Variants in GLG1 observed in about 807,000 individuals in gnomAD.
GLG1 encodes the protein golgi glycoprotein 1.
A neutral mutation model predicts 160.5 loss-of-function variants in GLG1; 38 were observed. The observed-to-expected ratio is 0.24, with a 90% CI of 0.18 to 0.31. The LOEUF (loss-of-function observed/expected upper bound fraction) is 0.31. GLG1 is among the 10% of genes least tolerant of loss of function. The pLI, the probability that GLG1 is intolerant of heterozygous loss-of-function variation, is 1.00. For synonymous variants in GLG1, 644 were observed against 543.4 expected, an observed-to-expected ratio of 1.19 and a Z score of -2.57; for missense variants, 1,373 against 1,505.2, an observed-to-expected ratio of 0.91 and a Z score of 1.45.
rs377761597 is a variant in GLG1, at chr16:74,524,762, G to A, written c.471+7359C>T. Among the ~76,000 whole-genome samples, 15 of 152,116 alleles carry A rather than the reference G, an allele frequency of 9.9e-5. No homozygotes were observed. In the South Asian group the frequency reaches 1.0e-3, roughly 11 times the overall value. ...AGATAGAATTTACATTGTAAAATTC[G>A]CCCTTCCAGAGCACAACTCAGAGGT... is the stretch of plus-strand genomic sequence containing the variant. On this transcript the variant is annotated intron_variant, in intron 2 of 25. Transcript: ENST00000422840.
At position 74,469,148 on chromosome 16, in the gene GLG1, T is replaced by G. The variant is rs562201797; in HGVS notation, c.2319-85A>C. 1.1e-5 allele frequency: 9 copies of G among 845,076 alleles called. No homozygotes were observed. In the African/African-American group the frequency reaches 1.2e-4, roughly 11 times the overall value. 52.3% of individuals were successfully genotyped at this position (845,076 alleles called of 1,614,324 possible). A position where few individuals can be genotyped will look rare whatever the true frequency, so the allele number is the denominator to read the frequency against. On this transcript the variant is annotated intron_variant, in intron 16 of 25. Transcript: ENST00000422840. Reference sequence around the variant, plus strand: ...CTGGGCTTGGGGGGGGTCACACCATTAAGAATTCAAGATGCCCTTTGGGGG... The same window carrying G: ...CTGGGCTTGGGGGGGGTCACACCATGAAGAATTCAAGATGCCCTTTGGGGG...
intron 14 of GLG1, among the ~76,000 whole-genome samples, chr16:74,472,079 T>C (rs773815296): frequency 1.1e-4 from 16 of 152,158 alleles, no homozygotes; most frequent in Non-Finnish European, 2.2e-4. Context: ...TAATTTTTTC[T>C]ATTTTTTGTA....
At chr16:74,565,228 C>G (rs990274997) in intron 1 of GLG1, among the ~76,000 whole-genome samples, 1 of 152,044 alleles carries the variant, frequency 6.6e-6, no homozygotes, top group Non-Finnish European at 1.5e-5. Flanking sequence ...ACTTGGGAGG[C>G]TGAGACATGA....
At chr16:74,471,149 T>C (rs776569534) in intron 15 of GLG1, 24 bp downstream of exon 15, 2 of 1,176,182 alleles carry the variant, frequency 1.7e-6, no homozygotes, top group Non-Finnish European at 2.6e-6. Context: ...TATGATGGGA[T>C]ATTGGCAGCC....
At chr16:74,505,652 C>G (rs557830024) in intron 3 of GLG1, among the ~76,000 whole-genome samples, 7 of 151,800 alleles carry the variant, frequency 4.6e-5, no homozygotes, top group Non-Finnish European at 1.0e-4. Context: ...CTCAGGAGTT[C>G]GAGACCAGCC....
At chr16:74,503,892 T>A (rs544610570) in intron 3 of GLG1, 146 bp from the exon 4 acceptor site, 20 of 621,148 alleles carry the variant, frequency 3.2e-5, no homozygotes, top group Non-Finnish European at 4.5e-5. Context: ...TAGAAATATA[T>A]CCAAGGAAAA....
intron 22 of GLG1, among the ~76,000 whole-genome samples, chr16:74,460,622 C>A (rs1319455094): frequency 6.6e-6 from 1 of 152,318 alleles, no homozygotes; most frequent in African/African-American, 2.4e-5. Context: ...GTTTGATGAT[C>A]GTCCCACACC....
chr16:74,598,905 AATATATAT>A (rs959872551), intron 1 of GLG1, among the ~76,000 whole-genome samples: 1 of 150,270 alleles, frequency 6.7e-6, no homozygotes, highest in South Asian at 2.1e-4. Flanking sequence ...CAAATATATA[AATATATAT>A]ATATATAACT....
intron 4 of GLG1, among the ~76,000 whole-genome samples, chr16:74,499,084 T>C (rs1460746454): frequency 6.6e-6 from 1 of 152,142 alleles, no homozygotes; most frequent in Non-Finnish European, 1.5e-5. Flanking sequence ...ACTGCGGACA[T>C]GAATGAACAG....
At chr16:74,586,987 A>G (rs897615543) in intron 1 of GLG1, among the ~76,000 whole-genome samples, 2 of 107,206 alleles carry the variant, frequency 1.9e-5, no homozygotes, top group African/African-American at 8.5e-5. Flanking sequence ...GAGCCACCGC[A>G]CCTGGCCTCA....
chr16:74,497,381 ATC>A (rs1454545390), intron 4 of GLG1, among the ~76,000 whole-genome samples: 2 of 150,780 alleles, frequency 1.3e-5, no homozygotes, highest in African/African-American at 4.9e-5. Context: ...CACTGCTGAA[ATC>A]TCTGTTCATT....
At chr16:74,511,877 T>C (rs190228270) in intron 2 of GLG1, among the ~76,000 whole-genome samples, 1 of 152,274 alleles carries the variant, frequency 6.6e-6, no homozygotes, top group East Asian at 1.9e-4. Context: ...GTCTCTTCCC[T>C]AAGAACCATG....
rs190401407 is a variant in GLG1 at position 74,580,967 on chromosome 16, C to T, written c.438+25690G>A. On this transcript the variant is annotated intron_variant, in intron 1 of 25. Transcript: ENST00000422840. ...CAGCCTGGGCAACAGAGCGAGACTA[C>T]GTCTCAAAAACAAACAAACAGAAAA... Among the ~76,000 whole-genome samples, 185 of 152,236 alleles carry T rather than the reference C, an allele frequency of 1.2e-3. 2 individuals are homozygous for T. Among genetic ancestry groups the T allele is most frequent in the Non-Finnish European group, 4.4e-4 (30 of 68,008 alleles).
chr16:74,547,769 A>T (rs2018089244), intron 1 of GLG1, among the ~76,000 whole-genome samples: 1 of 152,250 alleles, frequency 6.6e-6, no homozygotes. Context: ...CCAACTCACA[A>T]CGTTGACATC....
intron 1 of GLG1, among the ~76,000 whole-genome samples, chr16:74,602,363 AAAAC>A (rs533882814): frequency 1.3e-5 from 2 of 152,224 alleles, no homozygotes; most frequent in Non-Finnish European, 2.9e-5. Flanking sequence ...TTTAAATACA[AAAAC>A]AAACAAAAAA....
At chr16:74,478,640 G>C (rs1349689502) in intron 11 of GLG1, among the ~76,000 whole-genome samples, 2 of 152,042 alleles carry the variant, frequency 1.3e-5, no homozygotes, top group Non-Finnish European at 2.9e-5. Context: ...GACCAGGAGC[G>C]GTGGCTCACA....
At chr16:74,564,727 CT>C (rs2018602366) in intron 1 of GLG1, among the ~76,000 whole-genome samples, 1 of 152,196 alleles carries the variant, frequency 6.6e-6, no homozygotes, top group Admixed American at 6.5e-5. Context: ...TTGGATTAAG[CT>C]TATTCACTAG....
At chr16:74,564,899 G>C (rs1376444685) in intron 1 of GLG1, among the ~76,000 whole-genome samples, 2 of 152,286 alleles carry the variant, frequency 1.3e-5, no homozygotes, top group South Asian at 4.1e-4. Flanking sequence ...GGTTGCCCCT[G>C]CTCTAATCCC....
chr16:74,456,522 T>A, intron 25 of GLG1, 127 bp downstream of exon 25: 2 of 696,524 alleles, frequency 2.9e-6, no homozygotes, highest in Non-Finnish European at 5.1e-6. Context: ...CAGTGCGATA[T>A]CTAAAAGAGG....
Sources: allele counts gnomAD v4.1 joint callset (sites outside exome capture counted in the v4.1 genomes callset), GRCh38; gene constraint gnomAD v4.1.1; transcripts MANE v1.5; gene names NCBI Gene and HGNC (gene_info 2026-07-23, HGNC 2026-07-21).